Variants in TRPM3 observed in about 807,000 individuals in gnomAD.
TRPM3 encodes the protein long transient receptor potential channel 3.
TRPM3 carries 77 observed loss-of-function variants against 181.2 expected under a neutral mutation model. The observed-to-expected ratio is 0.42, with a 90% confidence interval of 0.35 to 0.51. The LOEUF (loss-of-function observed/expected upper bound fraction) is 0.51. Ranked by LOEUF, TRPM3 falls within the 20% of genes least tolerant of loss-of-function variation. The pLI, the probability that TRPM3 is intolerant of heterozygous loss-of-function variation, is 0.01. For missense variants in TRPM3, 1,759 were observed against 2,196.7 expected (o/e 0.80, Z 3.98); for synonymous variants, 745 against 796.4 (o/e 0.94, Z 1.09).
At chr9:71,292,144 A>T (rs561426582) in intron 1 of TRPM3, among the ~76,000 whole-genome samples, 8 of 152,176 alleles carry the variant, frequency 5.3e-5, no homozygotes, top group Admixed American at 1.3e-4. Context: ...ATGAATAAAC[A>T]TTGAAAACCT....
chr9:70,954,349 A>T (rs2097041555), intron 1 of TRPM3, among the ~76,000 whole-genome samples: 2 of 152,232 alleles, frequency 1.3e-5, no homozygotes, highest in South Asian at 4.2e-4. Flanking sequence ...CAACTTGGTG[A>T]TAAGCTTGGA....
At chr9:71,297,970 G>A (rs1432017878) in intron 1 of TRPM3, among the ~76,000 whole-genome samples, 1 of 151,998 alleles carries the variant, frequency 6.6e-6, no homozygotes, top group Non-Finnish European at 1.5e-5. Flanking sequence ...ACTCATACTG[G>A]TCTCTTAAAT....
chr9:70,939,384 T>C (rs1245661586), intron 1 of TRPM3, among the ~76,000 whole-genome samples: 2 of 152,224 alleles, frequency 1.3e-5, no homozygotes, highest in Non-Finnish European at 2.9e-5. Context: ...CTTTTTCTCA[T>C]ATATGTTAAT....
At chr9:71,409,700 G>A (rs1256414020) in intron 1 of TRPM3, among the ~76,000 whole-genome samples, 4 of 152,066 alleles carry the variant, frequency 2.6e-5, no homozygotes, top group Non-Finnish European at 4.4e-5. Flanking sequence ...ACAGATCAAC[G>A]AGACAGAAGG....
intron 7 of TRPM3, among the ~76,000 whole-genome samples, chr9:70,779,622 C>T (rs1356524457): frequency 2.0e-5 from 3 of 152,100 alleles, no homozygotes; most frequent in Admixed American, 6.6e-5. Flanking sequence ...GGTATGGTAT[C>T]CCCAACTATG....
intron 22 of TRPM3, among the ~76,000 whole-genome samples, chr9:70,563,483 C>T (rs905206303): frequency 1.9e-4 from 29 of 152,230 alleles, no homozygotes; most frequent in African/African-American, 7.0e-4. Context: ...CATTTCTTCA[C>T]TTCTCCTTTC....
intron 1 of TRPM3, among the ~76,000 whole-genome samples, chr9:71,285,894 T>G (rs2085241852): frequency 6.6e-6 from 1 of 152,192 alleles, no homozygotes; most frequent in South Asian, 2.1e-4. Flanking sequence ...TTCCAAACAG[T>G]GGCATATCCA....
At chr9:71,446,647 A>G (rs531047904) in intron 1 of TRPM3, 1,145 of 1,549,280 alleles carry the variant, frequency 7.4e-4, no homozygotes, top group African/African-American at 2.9e-3. Flanking sequence ...TCCCCCGGCC[A>G]CTCACCGGCG....
intron 1 of TRPM3, among the ~76,000 whole-genome samples, chr9:70,882,362 C>T (rs1463192772): frequency 6.6e-6 from 1 of 152,142 alleles, no homozygotes; most frequent in Non-Finnish European, 1.5e-5. Flanking sequence ...AATTATATCT[C>T]TTAAGAGGAA....
At chr9:71,038,328 G>GA (rs1344131019) in intron 1 of TRPM3, among the ~76,000 whole-genome samples, 5 of 152,140 alleles carry the variant, frequency 3.3e-5, no homozygotes, top group Non-Finnish European at 5.9e-5. Flanking sequence ...GTCCAGACAG[G>GA]AAAAATAACT....
At chr9:70,994,876 A>G (rs746030475) in intron 1 of TRPM3, among the ~76,000 whole-genome samples, 6 of 152,324 alleles carry the variant, frequency 3.9e-5, no homozygotes, top group Non-Finnish European at 7.3e-5. Context: ...CTGCTGATCA[A>G]CTGGAAACAT....
chr9:71,390,373 A>G (rs551764803), intron 1 of TRPM3, among the ~76,000 whole-genome samples: 208 of 152,152 alleles, frequency 1.4e-3, no homozygotes, highest in African/African-American at 4.9e-3. Context: ...TCAGCAATTG[A>G]ACTTGGCTCT....
chr9:70,959,229 TTC>T (rs1317812570), intron 1 of TRPM3, among the ~76,000 whole-genome samples: 1 of 152,084 alleles, frequency 6.6e-6, no homozygotes, highest in East Asian at 1.9e-4. Flanking sequence ...GTGTATATTC[TTC>T]TCTCAATTTT....
At chr9:71,094,785 C>A (rs1488680295) in intron 1 of TRPM3, among the ~76,000 whole-genome samples, 1 of 152,048 alleles carries the variant, frequency 6.6e-6, no homozygotes, top group Non-Finnish European at 1.5e-5. Flanking sequence ...AGGGTAGGTA[C>A]TAAAAATCAA....
At chr9:70,547,280 T>C (rs1195988512) in intron 25 of TRPM3, among the ~76,000 whole-genome samples, 1 of 152,074 alleles carries the variant, frequency 6.6e-6, no homozygotes, top group Non-Finnish European at 1.5e-5. Context: ...TTTCCAAATG[T>C]GTGTATATAC....
chr9:70,590,892 T>C, intron 22 of TRPM3, 139 bp downstream of exon 22: 2 of 1,137,828 alleles, frequency 1.8e-6, no homozygotes, highest in Non-Finnish European at 2.5e-6. Flanking sequence ...AATTTTTGTT[T>C]CCTCCAAGAT....
chr9:71,103,306 T>G (rs953083902), intron 1 of TRPM3, among the ~76,000 whole-genome samples: 2 of 152,116 alleles, frequency 1.3e-5, no homozygotes, highest in African/African-American at 4.8e-5. Flanking sequence ...AAAAATAGAA[T>G]GGAAAAATTG....
chr9:71,135,097 G>A (rs2074683325), intron 1 of TRPM3, among the ~76,000 whole-genome samples: 1 of 152,148 alleles, frequency 6.6e-6, no homozygotes, highest in African/African-American at 2.4e-5. Context: ...AATTATGTTA[G>A]TGACTCCTCA....
rs563002145 is a variant in TRPM3 at position 70,576,704 on chromosome 9, G to A, written c.3223+14327C>T. 6.4e-3 allele frequency among the ~76,000 whole-genome samples: 971 copies of A among 151,960 alleles called. 7 individuals carry two copies. Among genetic ancestry groups the A allele is most frequent in the African/African-American group, 0.022 (904 of 41,408 alleles). ...TAATTTTTGTATTTTTAGTAGAGAT[G>A]GGGTTTCACCATCTTGGCCAGGCTG... On this transcript the variant is annotated intron_variant, in intron 22 of 25. Transcript: ENST00000677713.
Sources: allele counts gnomAD v4.1 joint callset (sites outside exome capture counted in the v4.1 genomes callset), GRCh38; gene constraint gnomAD v4.1.1; transcripts MANE v1.5; gene names NCBI Gene and HGNC (gene_info 2026-07-23, HGNC 2026-07-21).